Variants in MKRN2 observed in about 807,000 individuals in gnomAD.
MKRN2 encodes the protein makorin ring finger protein 2.
A neutral mutation model predicts 45.4 loss-of-function variants in MKRN2; 32 were observed. The observed-to-expected ratio is 0.70, with a 90% CI of 0.53 to 0.95. The LOEUF is 0.95. Among genes scored for constraint, MKRN2 ranks in the 40% least tolerant of loss-of-function variants. The pLI is 0.00. For synonymous variants in MKRN2, 206 were observed against 192.4 expected (o/e 1.07, Z -0.59); for missense variants, 526 against 536.7 (o/e 0.98, Z 0.20).
At chr3:12,563,957 A>AT (rs924719726) in intron 1 of MKRN2, among the ~76,000 whole-genome samples, 1 of 149,968 alleles carries the variant, frequency 6.7e-6, no homozygotes, top group Non-Finnish European at 1.5e-5. Context: ...GAAGTCTTCT[A>AT]TTTTTTTTGA....
chr3:12,572,799 G>T (rs1050192082), intron 4 of MKRN2, among the ~76,000 whole-genome samples: 4 of 151,994 alleles, frequency 2.6e-5, no homozygotes, highest in Non-Finnish European at 5.9e-5. Flanking sequence ...TGGCCAGGCT[G>T]GTCTCGAACT....
chr3:12,565,322 G>A (rs896550729), intron 1 of MKRN2, among the ~76,000 whole-genome samples: 5 of 152,080 alleles, frequency 3.3e-5, no homozygotes, highest in Non-Finnish European at 4.4e-5. Context: ...TTCATAGGTT[G>A]TCCCCAGTCT....
intron 6 of MKRN2, among the ~76,000 whole-genome samples, chr3:12,578,312 CTTTTTTTTTTT>C (rs71063833): frequency 2.8e-5 from 2 of 71,716 alleles, no homozygotes; most frequent in African/African-American, 5.7e-5. Context: ...AGAGCTACTT[CTTTTTTTTTTT>C]TTTTTTTTTT....
chr3:12,579,044 T>A (rs2058161611), intron 6 of MKRN2, among the ~76,000 whole-genome samples: 1 of 152,162 alleles, frequency 6.6e-6, no homozygotes, highest in Non-Finnish European at 1.5e-5. Flanking sequence ...TTATTGCTAT[T>A]TGGATCTTTC....
At chr3:12,567,481 C>CTTTTTTTTTTTTTTTTTTTTTTTTTTT (rs35726193) in intron 1 of MKRN2, among the ~76,000 whole-genome samples, 1 of 76,976 alleles carries the variant, frequency 1.3e-5, no homozygotes, top group Non-Finnish European at 2.4e-5. Context: ...GCTAGTTTAT[C>CTTTTTTTTTTTTTTTTTTTTTTTTTTT]TTTTTTTTTT....
At position 12,572,181 on chromosome 3, in the gene MKRN2, C is replaced by G. The variant is rs763456647; in HGVS notation, c.450C>G (p.Ala150=). ...PEMKPHSYLD[A]IRSGLDDVEA... ...TGAAGCCGCATTCCTACCTGGATGC[C>G]ATCAGGAGTGGCCTTGATGACGTGG... Residue 150 remains alanine (A), a synonymous_variant, in exon 4 of 8, where the codon GCC becomes GCG. Transcript: ENST00000170447. 1 of 1,614,084 alleles carries G rather than the reference C, an allele frequency of 6.2e-7. No individual in the cohort carries two copies. The highest frequency in any genetic ancestry group is 1.1e-5 in the South Asian group (1 of 91,072).
Position 12,572,112 on chromosome 3 carries a change from G to C in MKRN2, c.381G>C (p.Val127=). The change falls in exon 4 of 8, where the codon GTG becomes GTC. Residue 127 remains valine, a synonymous_variant. Coordinates refer to ENST00000170447, the MANE Select transcript of MKRN2 (RefSeq NM_014160.5). ...MAERKTQPSM[V]SNPGSCSDPQ... ...AAAGGAAGACCCAGCCGAGCATGGT[G>C]AGTAATCCAGGCAGCTGCAGCGACC... 1 of 1,613,716 alleles carries C rather than the reference G, an allele frequency of 6.2e-7. No individual in the cohort carries two copies. Among genetic ancestry groups the C allele is most frequent in the Non-Finnish European group, 8.5e-7 (1 of 1,179,806 alleles).
intron 6 of MKRN2, 139 bp downstream of exon 6, chr3:12,576,880 T>C: frequency 2.2e-6 from 1 of 447,988 alleles, no homozygotes; most frequent in Non-Finnish European, 4.1e-6. Context: ...TGCTGGGCTC[T>C]GGGATGCAGC....
At chr3:12,560,481 A>AAAC (rs762424206) in intron 1 of MKRN2, among the ~76,000 whole-genome samples, 9 of 131,616 alleles carry the variant, frequency 6.8e-5, no homozygotes, top group Non-Finnish European at 1.2e-4. Flanking sequence ...GAAAATGTAA[A>AAAC]AAAAAAAAAA....
intron 6 of MKRN2, chr3:12,577,024 G>C (rs747168357): frequency 4.3e-4 from 71 of 163,442 alleles, no homozygotes; most frequent in Admixed American, 5.4e-4. Flanking sequence ...GCTCACTGCA[G>C]CCTCAGCCTC....
In MKRN2 at chr3:12,582,542, A is replaced by C; in HGVS notation, c.*289A>C. On this transcript the variant is annotated 3_prime_UTR_variant, in exon 8 of 8. Coordinates refer to ENST00000170447, the MANE Select transcript of MKRN2 (RefSeq NM_014160.5). Reference sequence around the variant, plus strand: ...ACAAACACCCAAACTGTTTGGATTGATTGCTTTAAAAAACAAACCTGGCTC... The same window carrying C: ...ACAAACACCCAAACTGTTTGGATTGCTTGCTTTAAAAAACAAACCTGGCTC... 1 of 300,766 alleles carries C rather than the reference A, an allele frequency of 3.3e-6. No homozygotes were observed. Among genetic ancestry groups the C allele is most frequent in the East Asian group, 5.7e-5 (1 of 17,458 alleles). The allele number at this position is 300,766 out of a possible 1,614,324, so 18.6% of individuals were successfully genotyped here.
intron 6 of MKRN2, among the ~76,000 whole-genome samples, chr3:12,579,551 A>G (rs371622042): frequency 2.6e-5 from 4 of 152,218 alleles, no homozygotes; most frequent in African/African-American, 9.6e-5. Flanking sequence ...GGGACCATCT[A>G]TCACAACAGA....
chr3:12,565,110 T>G (rs2058061615), intron 1 of MKRN2, among the ~76,000 whole-genome samples: 1 of 152,248 alleles, frequency 6.6e-6, no homozygotes, highest in South Asian at 2.1e-4. Flanking sequence ...TGTGTGGACA[T>G]AGATTTTCAT....
chr3:12,565,007 CTCTG>C (rs1363204275), intron 1 of MKRN2, among the ~76,000 whole-genome samples: 6 of 152,168 alleles, frequency 3.9e-5, no homozygotes, highest in African/African-American at 1.4e-4. Context: ...ATCACATTTT[CTCTG>C]TCTGTTCATC....
intron 6 of MKRN2, among the ~76,000 whole-genome samples, chr3:12,580,903 G>C (rs935500352): frequency 3.9e-5 from 6 of 152,208 alleles, no homozygotes; most frequent in African/African-American, 7.2e-5. Context: ...ACACACCCCA[G>C]CTGCCCCTGA....
chr3:12,566,040 G>T (rs182201333), intron 1 of MKRN2, among the ~76,000 whole-genome samples: 172 of 152,064 alleles, frequency 1.1e-3, no homozygotes, highest in African/African-American at 3.9e-3. Flanking sequence ...TTTTTATACA[G>T]ATTGGGTTTT....
chr3:12,575,663 G>A (rs1234978371), intron 5 of MKRN2, among the ~76,000 whole-genome samples: 1 of 152,174 alleles, frequency 6.6e-6, no homozygotes, highest in Non-Finnish European at 1.5e-5. Flanking sequence ...ATCGTGTGGT[G>A]AAACAACTGC....
intron 6 of MKRN2, among the ~76,000 whole-genome samples, chr3:12,580,513 C>T (rs559738149): frequency 4.7e-5 from 6 of 128,968 alleles, no homozygotes; most frequent in Non-Finnish European, 7.8e-5. Context: ...AGTGCAGTGG[C>T]ACAATCTTGG....
Position 12,573,336 on chromosome 3 carries a change from G to A in MKRN2, c.642+963G>A, listed in dbSNP as rs183498709. ...CCCCAGGAGTTTGAGACCAGCCTGG[G>A]CAACATGGTAAGATCCCCGTCTCTA... is the stretch of plus-strand genomic sequence containing the variant. On this transcript the variant is annotated intron_variant, in intron 4 of 7. Coordinates refer to ENST00000170447, the MANE Select transcript of MKRN2 (RefSeq NM_014160.5). 2.0e-5 allele frequency among the ~76,000 whole-genome samples: 3 copies of A among 151,230 alleles called. No homozygotes were observed. The East Asian group carries it at 5.9e-4, about 30-fold the overall frequency.
Sources: gnomAD v4.1 joint callset for allele counts (sites outside exome capture counted in the v4.1 genomes callset) on GRCh38, gnomAD v4.1.1 for gene constraint, MANE v1.5 for transcripts, NCBI Gene and HGNC (gene_info 2026-07-23, HGNC 2026-07-21) for gene names.